The following COL5A2 variants were observed in gnomAD, a reference collection of about 807,000 sequenced individuals.
COL5A2 encodes the protein collagen type V alpha 2 chain.
In COL5A2, 23 loss-of-function variants were observed where a neutral mutation model predicts 208.2. The ratio of observed to expected loss-of-function variants is 0.11; its 90% confidence interval spans 0.08 to 0.16. COL5A2 has a LOEUF of 0.16. COL5A2 is among the 10% of genes least tolerant of loss of function. The pLI, the probability that COL5A2 is intolerant of heterozygous loss-of-function variation, is 1.00. For synonymous variants in COL5A2, 625 were observed against 628.5 expected, an observed-to-expected ratio of 0.99 and a Z score of 0.08; for missense variants, 1,590 against 1,956.4, an observed-to-expected ratio of 0.81 and a Z score of 3.53.
At chr2:189,320,019 T>C in the COL5A2 span, among the ~76,000 whole-genome samples, 1 of 152,250 alleles carries the variant, frequency 6.6e-6, no homozygotes. Context: ...ATATTCACTG[T>C]TCTGCAGCCT....
At chr2:189,048,301 T>C (rs752248995) in intron 44 of COL5A2, 39 bp from the exon 45 acceptor site, 5 of 1,584,964 alleles carry the variant, frequency 3.2e-6, no homozygotes, top group Admixed American at 3.4e-5. Flanking sequence ...CTTAACTGAG[T>C]AATGAAAAAA....
the COL5A2 span, among the ~76,000 whole-genome samples, chr2:189,430,156 G>A: frequency 3.9e-5 from 6 of 152,264 alleles, no homozygotes; most frequent in East Asian, 7.7e-4. Flanking sequence ...TCCTGCCCAA[G>A]AATGTTTAGG....
chr2:189,104,912 G>A (rs1687121311), intron 2 of COL5A2, among the ~76,000 whole-genome samples: 1 of 151,608 alleles, frequency 6.6e-6, no homozygotes, highest in African/African-American at 2.4e-5. Flanking sequence ...TTTCTTTATT[G>A]TTTTTCTTAA....
intron 1 of COL5A2, among the ~76,000 whole-genome samples, chr2:189,170,939 G>A (rs893117921): frequency 1.3e-5 from 2 of 152,280 alleles, no homozygotes; most frequent in Middle Eastern, 3.4e-3. Flanking sequence ...GTGGGAATGT[G>A]TAAAACGGAT....
chr2:189,091,293 T>C (rs1210703933), intron 7 of COL5A2, among the ~76,000 whole-genome samples: 2 of 152,196 alleles, frequency 1.3e-5, no homozygotes, highest in Admixed American at 6.5e-5. Flanking sequence ...GACTTGCTTC[T>C]TATGAATGAG....
At chr2:189,163,849 A>C (rs1481084752) in intron 1 of COL5A2, among the ~76,000 whole-genome samples, 2 of 152,222 alleles carry the variant, frequency 1.3e-5, no homozygotes, top group African/African-American at 4.8e-5. Flanking sequence ...CAGAGAATTT[A>C]AGTCACTTCC....
chr2:189,234,447 C>T, the COL5A2 span, among the ~76,000 whole-genome samples: 6 of 151,724 alleles, frequency 4.0e-5, no homozygotes, highest in East Asian at 3.9e-4. Context: ...TTGGCTGAAT[C>T]GCATATTTAA....
intron 1 of COL5A2, among the ~76,000 whole-genome samples, chr2:189,153,634 G>A (rs1363687732): frequency 6.6e-6 from 1 of 152,074 alleles, no homozygotes; most frequent in Non-Finnish European, 1.5e-5. Flanking sequence ...TCATACAGAG[G>A]CAGATATGCT....
chr2:189,248,092 T>A, the COL5A2 span, among the ~76,000 whole-genome samples: 1 of 152,230 alleles, frequency 6.6e-6, no homozygotes, highest in African/African-American at 2.4e-5. Context: ...ACATAGTTCT[T>A]ACTACTAGCT....
chr2:189,384,677 T>C, the COL5A2 span, among the ~76,000 whole-genome samples: 1 of 152,188 alleles, frequency 6.6e-6, no homozygotes, highest in Non-Finnish European at 1.5e-5. Context: ...TTTGCAAATA[T>C]TTTCTCCCAT....
chr2:189,150,649 A>G (rs935169519), intron 1 of COL5A2, among the ~76,000 whole-genome samples: 29 of 152,286 alleles, frequency 1.9e-4, no homozygotes, highest in African/African-American at 6.3e-4. Flanking sequence ...CGTGAAAGAT[A>G]AAAAGTTTTC....
At chr2:189,310,739 CA>C in the COL5A2 span, among the ~76,000 whole-genome samples, 149,454 of 150,276 alleles carry the variant, frequency 0.99, 74,319 homozygotes, top group Middle Eastern at 1. Context: ...ACTATCAAAC[CA>C]AAAAAAAAAA....
the COL5A2 span, among the ~76,000 whole-genome samples, chr2:189,440,914 GC>G: frequency 1.3e-5 from 2 of 152,214 alleles, no homozygotes; most frequent in Non-Finnish European, 2.9e-5. Flanking sequence ...AAGGAAGAAA[GC>G]TAGGCCCTAG....
the COL5A2 span, among the ~76,000 whole-genome samples, chr2:189,256,639 A>G: frequency 4.6e-5 from 7 of 152,028 alleles, no homozygotes; most frequent in African/African-American, 1.7e-4. Flanking sequence ...ATCAGAAAAG[A>G]TTGTCCTCAT....
At chr2:189,162,112 G>C (rs775470019) in intron 1 of COL5A2, among the ~76,000 whole-genome samples, 2 of 152,208 alleles carry the variant, frequency 1.3e-5, no homozygotes, top group Non-Finnish European at 2.9e-5. Context: ...GTATGTGGGA[G>C]GGAAGTCTTC....
chr2:189,243,319 A>C, the COL5A2 span, among the ~76,000 whole-genome samples: 1 of 152,194 alleles, frequency 6.6e-6, no homozygotes, highest in Admixed American at 6.5e-5. Context: ...GTATTAGTTC[A>C]TTTTCATGCT....
At chr2:189,106,070 T>C (rs1344115254) in intron 2 of COL5A2, among the ~76,000 whole-genome samples, 1 of 151,514 alleles carries the variant, frequency 6.6e-6, no homozygotes, top group African/African-American at 2.4e-5. Flanking sequence ...CCTTAATTGC[T>C]CTTATTCTTA....
intron 1 of COL5A2, among the ~76,000 whole-genome samples, chr2:189,157,201 C>A (rs1688272158): frequency 1.7e-5 from 2 of 120,744 alleles, no homozygotes; most frequent in Admixed American, 1.6e-4. Flanking sequence ...ACATGAAGCC[C>A]CAAATACAAA....
the COL5A2 span, among the ~76,000 whole-genome samples, chr2:189,299,869 T>TA: frequency 2.0e-5 from 3 of 151,934 alleles, no homozygotes; most frequent in Admixed American, 6.6e-5. Flanking sequence ...CATGACATCT[T>TA]AAAAAAAATA....
Sources: gnomAD v4.1 joint callset for allele counts (sites outside exome capture counted in the v4.1 genomes callset) on GRCh38, gnomAD v4.1.1 for gene constraint, MANE v1.5 for transcripts, NCBI Gene and HGNC (gene_info 2026-07-23, HGNC 2026-07-21) for gene names.